The following RNF212B variants were observed in gnomAD, a reference collection of about 807,000 sequenced individuals.
RNF212B encodes ring finger protein 212B, also known as E3 ubiquitin-protein ligase RNF212B.
A neutral mutation model predicts 55.5 loss-of-function variants in RNF212B; 52 were observed. That is an observed-to-expected ratio of 0.94 (90% CI 0.75 to 1.18). The LOEUF (loss-of-function observed/expected upper bound fraction) is 1.18. RNF212B is among the 50% of genes most tolerant of loss of function. The pLI, the probability that RNF212B is intolerant of heterozygous loss-of-function variation, is 0.00. For missense variants in RNF212B, 289 were observed against 350.4 expected (o/e 0.82, Z 1.40); for synonymous variants, 99 against 121.4 (o/e 0.82, Z 1.21).
upstream of RNF212B, among the ~76,000 whole-genome samples, chr14:23,233,888 G>A (rs1882916968): frequency 6.6e-6 from 1 of 152,156 alleles, no homozygotes; most frequent in South Asian, 2.1e-4. Flanking sequence ...CCTGAGGTCA[G>A]GAGTTCGAGA....
intron 2 of RNF212B, chr14:23,193,492 G>A (rs1314025307): frequency 4.6e-5 from 7 of 152,186 alleles, no homozygotes; most frequent in Non-Finnish European, 2.9e-5. Flanking sequence ...AGGGCAGAAT[G>A]GAGGACTCAA....
At chr14:23,215,498 CTG>C (rs1348919561) in intron 2 of RNF212B, among the ~76,000 whole-genome samples, 2 of 152,150 alleles carry the variant, frequency 1.3e-5, no homozygotes, top group Non-Finnish European at 2.9e-5. Context: ...GAGCAAGACT[CTG>C]TATCTTTAAA....
intron 2 of RNF212B, among the ~76,000 whole-genome samples, chr14:23,200,336 T>C (rs533432670): frequency 2.3e-4 from 35 of 152,238 alleles, no homozygotes; most frequent in South Asian, 4.1e-4. Context: ...CCCCAACTTT[T>C]TTTTTTTGAG....
At chr14:23,214,472 C>G (rs965439872) in intron 2 of RNF212B, among the ~76,000 whole-genome samples, 9 of 151,906 alleles carry the variant, frequency 5.9e-5, no homozygotes, top group Admixed American at 1.3e-4. Flanking sequence ...CCGGCCTGGG[C>G]AACAGAGTGA....
intron 1 of RNF212B, among the ~76,000 whole-genome samples, chr14:23,191,450 G>A (rs1878115347): frequency 6.7e-6 from 1 of 150,262 alleles, no homozygotes; most frequent in African/African-American, 2.5e-5. Flanking sequence ...TTGTTTGTTT[G>A]TTTGTTCCTT....
chr14:23,202,653 C>T (rs1879417649), intron 2 of RNF212B, among the ~76,000 whole-genome samples: 1 of 152,140 alleles, frequency 6.6e-6, no homozygotes, highest in Non-Finnish European at 1.5e-5. Flanking sequence ...AGATCGAGAC[C>T]ACCCTGGCTT....
intron 4 of RNF212B, among the ~76,000 whole-genome samples, chr14:23,256,075 C>T (rs1281348255): frequency 1.3e-5 from 2 of 151,992 alleles, no homozygotes; most frequent in Non-Finnish European, 2.9e-5. Context: ...AGTCTGGCTC[C>T]CTGGAGTTCC....
At chr14:23,232,412 G>A (rs950361682) in intron 2 of RNF212B, among the ~76,000 whole-genome samples, 2 of 141,744 alleles carry the variant, frequency 1.4e-5, no homozygotes, top group Admixed American at 7.1e-5. Context: ...CCCGGCAGCC[G>A]CCCTGTCTGA....
intron 13 of RNF212B, 28 bp downstream of exon 13, chr14:23,269,988 T>C (rs1469974802): frequency 1.6e-6 from 2 of 1,217,394 alleles, no homozygotes; most frequent in South Asian, 1.3e-5. Flanking sequence ...TCCAAAGGAA[T>C]GGAGCTTCAA....
At chr14:23,208,066 T>C (rs774392298) in intron 2 of RNF212B, among the ~76,000 whole-genome samples, 5 of 152,230 alleles carry the variant, frequency 3.3e-5, no homozygotes, top group African/African-American at 7.2e-5. Flanking sequence ...GGAGGCAGGT[T>C]TGCCCTAAGC....
At chr14:23,207,425 G>A (rs956870682) in intron 2 of RNF212B, among the ~76,000 whole-genome samples, 1 of 152,158 alleles carries the variant, frequency 6.6e-6, no homozygotes, top group Non-Finnish European at 1.5e-5. Context: ...ATGGAAGGAG[G>A]AAAACTTGCC....
In RNF212B at chr14:23,232,411, C is replaced by T. The variant is rs1025863460; in HGVS notation, c.-1-7934C>T. Among the ~76,000 whole-genome samples the T allele has an allele frequency of 4.6e-5, 7 of 151,628 alleles. No individual in the cohort carries two copies. The South Asian group carries it at 8.3e-4, about 18-fold the overall frequency. Reference sequence around the variant, plus strand: ...GTGAGGATCCCCTCCGCCCGGCAGCCGCCCTGTCTGAGAAGTGAGGAGCGC... The same window carrying T: ...GTGAGGATCCCCTCCGCCCGGCAGCTGCCCTGTCTGAGAAGTGAGGAGCGC... On this transcript the variant is annotated intron_variant, in intron 2 of 15. Coordinates refer to the RNF212B transcript ENST00000399910.
At chr14:23,234,293 T>C (rs1882945459), upstream of RNF212B, among the ~76,000 whole-genome samples, 1 of 151,958 alleles carries the variant, frequency 6.6e-6, no homozygotes, top group South Asian at 2.1e-4. Context: ...TGTGCTTTAC[T>C]TTTCGTGTGT....
chr14:23,207,092 C>T (rs774233083), intron 2 of RNF212B, among the ~76,000 whole-genome samples: 2 of 152,030 alleles, frequency 1.3e-5, no homozygotes, highest in Non-Finnish European at 2.9e-5. Context: ...ATCTTATTAC[C>T]ATATTTCAGC....
At chr14:23,213,626 G>A (rs1363781672) in intron 2 of RNF212B, among the ~76,000 whole-genome samples, 1 of 152,082 alleles carries the variant, frequency 6.6e-6, no homozygotes, top group Non-Finnish European at 1.5e-5. Flanking sequence ...AGCTTTTCCT[G>A]GAAAGGTGTC....
Position 23,273,285 on chromosome 14 carries a change from C to T in RNF212B, c.*394C>T, listed in dbSNP as rs1886244946. ...ATTTTTAGCTTTGGATATACTGTCCCATTGCCAATGTTAACGAGCAATATC... is the reference window on the plus strand; with the variant it reads ...ATTTTTAGCTTTGGATATACTGTCCTATTGCCAATGTTAACGAGCAATATC... On this transcript the variant is annotated 3_prime_UTR_variant, in exon 15 of 15. Transcript: ENST00000430154. 6.4e-6 allele frequency: 1 copy of T among 156,410 alleles called. No homozygotes were observed. The highest frequency in any genetic ancestry group is 2.4e-5 in the African/African-American group (1 of 41,562). The allele number at this position is 156,410 out of a possible 1,614,324, so 9.7% of individuals were successfully genotyped here. A position where few individuals can be genotyped will look rare whatever the true frequency, so the allele number is the denominator to read the frequency against.
At chr14:23,219,735 G>C (rs1262835664) in intron 2 of RNF212B, among the ~76,000 whole-genome samples, 1 of 152,036 alleles carries the variant, frequency 6.6e-6, no homozygotes, top group African/African-American at 2.4e-5. Flanking sequence ...GCCTCCCAAA[G>C]TGCTGGGATT....
chr14:23,214,359 T>C (rs1202365479), intron 2 of RNF212B, among the ~76,000 whole-genome samples: 1 of 152,062 alleles, frequency 6.6e-6, no homozygotes, highest in Admixed American at 6.6e-5. Flanking sequence ...CTGGGCATGG[T>C]GGTACATGCC....
chr14:23,237,270 CAGGTGCGTGTCGCCACACTCGGCTAATTT>C, upstream of RNF212B, among the ~76,000 whole-genome samples: 1 of 152,004 alleles, frequency 6.6e-6, no homozygotes, highest in Non-Finnish European at 1.5e-5. Flanking sequence ...GCTGAGATTA[CAGGTGCGTGTCGCCACACTCGGCTAATTT>C]TTGTATTTTT....
Sources: gnomAD v4.1 joint callset for allele counts (sites outside exome capture counted in the v4.1 genomes callset) on GRCh38, gnomAD v4.1.1 for gene constraint, MANE v1.5 for transcripts, NCBI Gene and HGNC (gene_info 2026-07-23, HGNC 2026-07-21) for gene names.